Variants in CCSER1 observed in about 807,000 individuals in gnomAD.
CCSER1 encodes serine-rich coiled-coil domain-containing protein 1.
CCSER1 carries 41 observed loss-of-function variants against 82.0 expected under a neutral mutation model. The ratio of observed to expected loss-of-function variants is 0.50; its 90% CI spans 0.39 to 0.65. The LOEUF is 0.65. CCSER1 is among the 30% of genes least tolerant of loss of function. The probability of loss-of-function intolerance (pLI) is 0.00; values close to 1 mark genes in which losing one functional copy is unlikely to be tolerated. For missense variants in CCSER1, 1,119 were observed against 1,064.2 expected (o/e 1.05, Z -0.72); for synonymous variants, 414 against 383.9 (o/e 1.08, Z -0.92).
intron 8 of CCSER1, among the ~76,000 whole-genome samples, chr4:90,867,377 GA>G (rs1477307216): frequency 3.3e-5 from 5 of 151,966 alleles, no homozygotes; most frequent in African/African-American, 1.2e-4. Flanking sequence ...ATTTAATAGA[GA>G]AACATGCTTA....
intron 1 of CCSER1, among the ~76,000 whole-genome samples, chr4:90,176,064 T>G (rs555866146): frequency 6.6e-6 from 1 of 151,988 alleles, no homozygotes; most frequent in Non-Finnish European, 1.5e-5. Flanking sequence ...TGATCTCAAG[T>G]TTTGGAAAGG....
At chr4:90,773,166 G>A (rs902709714) in intron 7 of CCSER1, among the ~76,000 whole-genome samples, 4 of 152,190 alleles carry the variant, frequency 2.6e-5, no homozygotes, top group Non-Finnish European at 5.9e-5. Flanking sequence ...CTTGAACCCA[G>A]GAGATGGAGG....
At chr4:90,835,903 G>A (rs574562117) in intron 8 of CCSER1, among the ~76,000 whole-genome samples, 3 of 152,158 alleles carry the variant, frequency 2.0e-5, no homozygotes, top group African/African-American at 4.8e-5. Context: ...ATAATACTGC[G>A]TGTTTGCTCA....
intron 10 of CCSER1, among the ~76,000 whole-genome samples, chr4:91,128,395 C>T: frequency 6.6e-6 from 1 of 151,884 alleles, no homozygotes; most frequent in East Asian, 1.9e-4. Context: ...GGTGTAAACC[C>T]CTCATTTTAT....
chr4:91,169,457 C>G (rs1332673771), intron 10 of CCSER1, among the ~76,000 whole-genome samples: 1 of 151,978 alleles, frequency 6.6e-6, no homozygotes, highest in Non-Finnish European at 1.5e-5. Flanking sequence ...CCATTCTGTA[C>G]TAAAAATACA....
intron 10 of CCSER1, among the ~76,000 whole-genome samples, chr4:91,222,544 CTTCCCATTAT>C (rs1737839861): frequency 1.3e-5 from 2 of 152,118 alleles, no homozygotes; most frequent in African/African-American, 4.8e-5. Flanking sequence ...CTCAAATAAG[CTTCCCATTAT>C]AATATTTATG....
intron 4 of CCSER1, among the ~76,000 whole-genome samples, chr4:90,413,640 T>C (rs540143236): frequency 6.6e-6 from 1 of 152,084 alleles, no homozygotes; most frequent in Admixed American, 6.5e-5. Context: ...ATTTGAATAG[T>C]TTCATAAATC....
At chr4:90,147,984 G>A (rs1352795253) in intron 1 of CCSER1, among the ~76,000 whole-genome samples, 1 of 152,118 alleles carries the variant, frequency 6.6e-6, no homozygotes, top group African/African-American at 2.4e-5. Flanking sequence ...GGCCAACATG[G>A]CAAAACCCTG....
At chr4:90,198,386 A>G (rs1245798683) in intron 1 of CCSER1, among the ~76,000 whole-genome samples, 2 of 152,218 alleles carry the variant, frequency 1.3e-5, no homozygotes, top group African/African-American at 2.4e-5. Flanking sequence ...ACTATTTGCC[A>G]GGAACCAGAG....
At chr4:91,446,777 A>C (rs1315105371) in intron 10 of CCSER1, among the ~76,000 whole-genome samples, 1 of 150,424 alleles carries the variant, frequency 6.6e-6, no homozygotes, top group South Asian at 2.1e-4. Context: ...TTTTATGATG[A>C]ATATCTGTAT....
chr4:90,254,950 T>A (rs1723001743), intron 1 of CCSER1, among the ~76,000 whole-genome samples: 1 of 151,264 alleles, frequency 6.6e-6, no homozygotes, highest in South Asian at 2.1e-4. Flanking sequence ...TAAAAGTATA[T>A]GTTGATATAC....
intron 9 of CCSER1, among the ~76,000 whole-genome samples, chr4:91,053,744 C>T (rs1053361661): frequency 6.6e-6 from 1 of 152,216 alleles, no homozygotes; most frequent in African/African-American, 2.4e-5. Context: ...AATACATCTT[C>T]CCTCTTTCTA....
At chr4:91,285,841 G>C (rs937202154) in intron 10 of CCSER1, among the ~76,000 whole-genome samples, 1 of 151,726 alleles carries the variant, frequency 6.6e-6, no homozygotes. Context: ...TATGTAGAAG[G>C]AATGAATGCT....
chr4:91,548,674 A>G (rs1560754943), intron 10 of CCSER1, among the ~76,000 whole-genome samples: 1 of 151,634 alleles, frequency 6.6e-6, no homozygotes, highest in Non-Finnish European at 1.5e-5. Flanking sequence ...TAAATATTCT[A>G]TTCAACTCTC....
Position 90,597,875 on chromosome 4 carries a change from C to T in CCSER1, c.1725-30150C>T, listed in dbSNP as rs866877823. ...GGTTGACCTTCACTTTTTTAGATTC[C>T]ACATATAAATGCAATATTATTCTTT... On this transcript the variant is annotated intron_variant, in intron 5 of 10. Coordinates refer to ENST00000509176, the MANE Select transcript of CCSER1 (RefSeq NM_001145065.2). Among the ~76,000 whole-genome samples the T allele has an allele frequency of 2.0e-5, 3 of 152,060 alleles. 1 individual carries two copies. The East Asian group carries it at 5.8e-4, about 29-fold the overall frequency.
intron 10 of CCSER1, among the ~76,000 whole-genome samples, chr4:91,576,881 TA>T (rs1481352403): frequency 1.3e-5 from 2 of 151,992 alleles, no homozygotes. Flanking sequence ...CACACAAAGG[TA>T]ACTATGTGAG....
At chr4:91,214,400 C>T (rs1390678978) in intron 10 of CCSER1, among the ~76,000 whole-genome samples, 3 of 152,126 alleles carry the variant, frequency 2.0e-5, no homozygotes, top group African/African-American at 7.2e-5. Context: ...GTACCTTTTG[C>T]CCATAAAGAG....
intron 3 of CCSER1, among the ~76,000 whole-genome samples, chr4:90,382,308 A>G (rs1749328461): frequency 6.6e-6 from 1 of 152,056 alleles, no homozygotes; most frequent in Non-Finnish European, 1.5e-5. Context: ...ATTTATGAAT[A>G]CATTTATGTT....
At position 90,927,919 on chromosome 4, in the gene CCSER1, A is replaced by G. The variant is rs183806407; in HGVS notation, c.2172+4472A>G. Among the ~76,000 whole-genome samples the G allele has an allele frequency of 2.0e-5, 3 of 152,160 alleles. No individual in the cohort carries two copies. The East Asian group carries it at 5.8e-4, about 29-fold the overall frequency. Reference sequence around the variant, plus strand: ...ATGTATTATGTCTGCCTGTGGATTAAGCCCTGTTCTAAGAATTGAATAACT... The same window carrying G: ...ATGTATTATGTCTGCCTGTGGATTAGGCCCTGTTCTAAGAATTGAATAACT... On this transcript the variant is annotated intron_variant, in intron 9 of 10. Coordinates refer to ENST00000509176, the MANE Select transcript of CCSER1 (RefSeq NM_001145065.2).
Sources: gnomAD v4.1 joint callset for allele counts (sites outside exome capture counted in the v4.1 genomes callset) on GRCh38, gnomAD v4.1.1 for gene constraint, MANE v1.5 for transcripts, NCBI Gene and HGNC (gene_info 2026-07-23, HGNC 2026-07-21) for gene names.